Variants in ARHGAP24 observed in about 807,000 individuals in gnomAD.
ARHGAP24 encodes rho GTPase-activating protein 24.
In ARHGAP24, 50 loss-of-function variants were observed where a neutral mutation model predicts 76.4. The observed-to-expected ratio is 0.65, with a 90% CI of 0.52 to 0.83. The LOEUF (loss-of-function observed/expected upper bound fraction) is 0.83. ARHGAP24 is among the 40% of genes least tolerant of loss of function. The probability of loss-of-function intolerance (pLI) is 0.00; values close to 1 mark genes in which losing one functional copy is unlikely to be tolerated. For synonymous variants in ARHGAP24, 345 were observed against 323.3 expected, an observed-to-expected ratio of 1.07 and a Z score of -0.72; for missense variants, 930 against 914.2, an observed-to-expected ratio of 1.02 and a Z score of -0.22.
In ARHGAP24 at chr4:85,836,032, G is replaced by A. The variant is rs1253066413; in HGVS notation, c.269-87616G>A. On this transcript the variant is annotated intron_variant, in intron 3 of 9. Coordinates refer to ENST00000395184, the MANE Select transcript of ARHGAP24 (RefSeq NM_001025616.3). ...AATTATGGAATTCAGACTTGGCAGTGCTGGCAATCTATGACAGCATGTCAT... is the reference window on the plus strand; with the variant it reads ...AATTATGGAATTCAGACTTGGCAGTACTGGCAATCTATGACAGCATGTCAT... Among the ~76,000 whole-genome samples the A allele has an allele frequency of 2.6e-5, 4 of 152,176 alleles. No individual in the cohort carries two copies. The East Asian group carries it at 7.7e-4, about 29-fold the overall frequency.
chr4:85,778,703 A>G (rs764038385), intron 3 of ARHGAP24: 1 of 985,046 alleles, frequency 1.0e-6, no homozygotes, highest in African/African-American at 1.7e-5. Context: ...TCTTCAATAT[A>G]TGGGATGGGA....
intron 2 of ARHGAP24, among the ~76,000 whole-genome samples, chr4:85,699,324 T>C (rs964541542): frequency 6.6e-6 from 1 of 152,248 alleles, no homozygotes; most frequent in Non-Finnish European, 1.5e-5. Flanking sequence ...AACTGGACAG[T>C]GGCTCACACC....
chr4:85,482,806 A>T (rs986925788), intron 1 of ARHGAP24, among the ~76,000 whole-genome samples: 4 of 152,134 alleles, frequency 2.6e-5, no homozygotes, highest in African/African-American at 9.7e-5. Flanking sequence ...TCTCTCTCTT[A>T]TAGATGGAAA....
chr4:85,626,083 A>T (rs1308846654), intron 2 of ARHGAP24, among the ~76,000 whole-genome samples: 1 of 152,172 alleles, frequency 6.6e-6, no homozygotes, highest in African/African-American at 2.4e-5. Context: ...TAAAGTTAAT[A>T]TTGTGATGTG....
At chr4:85,759,657 G>A (rs1038995398) in intron 3 of ARHGAP24, among the ~76,000 whole-genome samples, 6 of 152,142 alleles carry the variant, frequency 3.9e-5, no homozygotes, top group Non-Finnish European at 5.9e-5. Context: ...AGGCAAGGAC[G>A]TGTTAGAAAG....
At chr4:85,536,181 A>G (rs1004364728) in intron 1 of ARHGAP24, among the ~76,000 whole-genome samples, 13 of 152,134 alleles carry the variant, frequency 8.5e-5, no homozygotes, top group Admixed American at 6.5e-4. Context: ...AGAACCTAGG[A>G]TCAACTTACA....
chr4:85,992,350 A>AAG (rs10645739), intron 8 of ARHGAP24, among the ~76,000 whole-genome samples: 45,317 of 151,696 alleles, frequency 0.3, 7,553 homozygotes, highest in African/African-American at 0.45. Context: ...CCCAAGATAC[A>AAG]AGAGAGTTTA....
At chr4:85,614,612 T>C (rs1157245963) in intron 2 of ARHGAP24, among the ~76,000 whole-genome samples, 1 of 152,096 alleles carries the variant, frequency 6.6e-6, no homozygotes, top group Non-Finnish European at 1.5e-5. Flanking sequence ...ATTTTAATTA[T>C]TGACCATATT....
intron 2 of ARHGAP24, among the ~76,000 whole-genome samples, chr4:85,592,009 A>G (rs926635593): frequency 6.6e-6 from 1 of 152,198 alleles, no homozygotes; most frequent in Non-Finnish European, 1.5e-5. Flanking sequence ...AGCAATTTTG[A>G]AAACCTCTGG....
At chr4:85,497,107 C>T (rs1057128922) in intron 1 of ARHGAP24, among the ~76,000 whole-genome samples, 13 of 152,112 alleles carry the variant, frequency 8.5e-5, no homozygotes, top group Admixed American at 3.3e-4. Context: ...ACGGTTAAAA[C>T]GATTAAACTT....
intron 1 of ARHGAP24, among the ~76,000 whole-genome samples, chr4:85,517,285 T>C (rs1724546625): frequency 6.6e-6 from 1 of 152,154 alleles, no homozygotes; most frequent in African/African-American, 2.4e-5. Flanking sequence ...ATAGCCCCCT[T>C]TATTTTAAAC....
intron 2 of ARHGAP24, among the ~76,000 whole-genome samples, chr4:85,600,317 C>T (rs1400633472): frequency 2.0e-5 from 3 of 152,060 alleles, no homozygotes; most frequent in African/African-American, 7.2e-5. Context: ...TTTTTCCCAG[C>T]ATGTAATGGA....
chr4:85,733,886 G>A (rs1578182312), intron 3 of ARHGAP24, among the ~76,000 whole-genome samples: 1 of 152,214 alleles, frequency 6.6e-6, no homozygotes, highest in Admixed American at 6.5e-5. Context: ...GGGGTTTGAA[G>A]TTCCTTGTAT....
intron 2 of ARHGAP24, among the ~76,000 whole-genome samples, chr4:85,653,868 G>C (rs1273005170): frequency 6.6e-6 from 1 of 151,894 alleles, no homozygotes; most frequent in Admixed American, 6.6e-5. Flanking sequence ...TAATATACTG[G>C]GCAGCACAAA....
chr4:85,503,146 C>T (rs1219963872), intron 1 of ARHGAP24, among the ~76,000 whole-genome samples: 5 of 152,264 alleles, frequency 3.3e-5, no homozygotes, highest in Admixed American at 6.5e-5. Context: ...ATTTTTGCAT[C>T]GATGAACATC....
At chr4:85,924,046 G>A (rs929993425) in intron 4 of ARHGAP24, among the ~76,000 whole-genome samples, 2 of 151,538 alleles carry the variant, frequency 1.3e-5, no homozygotes, top group Non-Finnish European at 2.9e-5. Flanking sequence ...CCATATTACC[G>A]ACAATACACT....
chr4:85,582,409 G>A (rs761394341), intron 2 of ARHGAP24, among the ~76,000 whole-genome samples: 11 of 151,964 alleles, frequency 7.2e-5, no homozygotes, highest in African/African-American at 2.4e-4. Flanking sequence ...TGTTATCTCC[G>A]TTTTTGACTC....
chr4:85,663,660 A>G (rs956268171), intron 2 of ARHGAP24, among the ~76,000 whole-genome samples: 1 of 151,382 alleles, frequency 6.6e-6, no homozygotes, highest in Non-Finnish European at 1.5e-5. Context: ...TGGGTTTGTC[A>G]TAGATAGCTC....
intron 2 of ARHGAP24, among the ~76,000 whole-genome samples, chr4:85,669,086 T>A (rs1722734454): frequency 6.6e-6 from 1 of 152,134 alleles, no homozygotes. Flanking sequence ...TGCTCTAGTA[T>A]CTTTGGGGTC....
Sources: gnomAD v4.1 joint callset for allele counts (sites outside exome capture counted in the v4.1 genomes callset) on GRCh38, gnomAD v4.1.1 for gene constraint, MANE v1.5 for transcripts, NCBI Gene and HGNC (gene_info 2026-07-23, HGNC 2026-07-21) for gene names.